The following TMEM260 variants were observed in gnomAD, a reference collection of about 807,000 sequenced individuals.
TMEM260 encodes protein O-mannosyl-transferase TMEM260.
In TMEM260, 82 loss-of-function variants were observed where a neutral mutation model predicts 88.9. That is an observed-to-expected ratio of 0.92 (90% CI 0.77 to 1.11). The LOEUF (loss-of-function observed/expected upper bound fraction) is 1.11. Among genes scored for constraint, TMEM260 ranks in the 50% least tolerant of loss-of-function variants. The pLI is 0.00. For missense variants in TMEM260, 902 were observed against 853.4 expected, an observed-to-expected ratio of 1.06 and a Z score of -0.71; for synonymous variants, 314 against 309.3, an observed-to-expected ratio of 1.02 and a Z score of -0.16.
chr14:56,586,710 A>C (rs1885528461), intron 3 of TMEM260, among the ~76,000 whole-genome samples: 1 of 152,138 alleles, frequency 6.6e-6, no homozygotes, highest in African/African-American at 2.4e-5. Flanking sequence ...TCTGTAGGTA[A>C]ATATAATTTG....
rs754899603 is a variant in TMEM260 at position 56,585,910 on chromosome 14, C to T, written c.342C>T (p.Phe114=). The T allele has an allele frequency of 1.8e-5, 29 of 1,611,876 alleles. No individual in the cohort carries two copies. Among genetic ancestry groups the T allele is most frequent in the Non-Finnish European group, 2.0e-5 (24 of 1,179,234 alleles). The part of the protein sequence containing the change: ...VAASLLFFTV[F]RLSGSSAGGI... Reference sequence around the variant, plus strand: ...CATCATTACTTTTTTTCACCGTTTTCAGGTAAAGTAGTTGATTAGTTAAAA... The same window carrying T: ...CATCATTACTTTTTTTCACCGTTTTTAGGTAAAGTAGTTGATTAGTTAAAA... The change falls in exon 3 of 16, where the codon TTC becomes TTT. Residue 114 remains phenylalanine (F), a splice_region_variant and synonymous_variant. Transcript: ENST00000261556.
At chr14:56,617,774 T>C (rs1594854699) in intron 9 of TMEM260, among the ~76,000 whole-genome samples, 1 of 152,194 alleles carries the variant, frequency 6.6e-6, no homozygotes, top group Non-Finnish European at 1.5e-5. Context: ...TAAATGTCAA[T>C]AGCACTTTTT....
chr14:56,593,226 T>TA (rs901653396), intron 3 of TMEM260: 1 of 152,244 alleles, frequency 6.6e-6, no homozygotes, highest in African/African-American at 2.4e-5. Context: ...AGTTATGGTT[T>TA]AAGCAGAGAA....
At chr14:56,623,041 A>C (rs763315986) in intron 11 of TMEM260, among the ~76,000 whole-genome samples, 2 of 152,222 alleles carry the variant, frequency 1.3e-5, no homozygotes, top group African/African-American at 2.4e-5. Flanking sequence ...AATTAGACCT[A>C]AACTCAAGTC....
chr14:56,582,787 C>G (rs146630604), intron 1 of TMEM260, among the ~76,000 whole-genome samples: 1 of 152,260 alleles, frequency 6.6e-6, no homozygotes, highest in Non-Finnish European at 1.5e-5. Flanking sequence ...CTATTCCCTT[C>G]CTCTTTATCA....
chr14:56,603,896 A>C lies in TMEM260; in HGVS notation c.426A>C (p.Ala142=), dbSNP rs1886729537. Residue 142 remains alanine, a synonymous_variant, in exon 4 of 16, where the codon GCA becomes GCC. Coordinates refer to ENST00000261556, the MANE Select transcript of TMEM260 (RefSeq NM_017799.4). ...FSRLTWQWSI[A]AEVFSLNNLF... is the part of the protein sequence containing the mutation. The stretch of plus-strand genomic sequence containing the variant: ...GTCTAACATGGCAGTGGTCCATTGC[A>C]GCAGAGGTTTTTAGCTTAAACAATC... The C allele has an allele frequency of 6.2e-7, 1 of 1,613,664 alleles. No individual in the cohort carries two copies. The highest frequency in any genetic ancestry group is 1.1e-5 in the South Asian group (1 of 91,050).
chr14:56,618,927 A>G (rs1887747240), intron 10 of TMEM260, among the ~76,000 whole-genome samples, 164 bp downstream of exon 10: 1 of 152,186 alleles, frequency 6.6e-6, no homozygotes, highest in African/African-American at 2.4e-5. Flanking sequence ...CGTTAAACCT[A>G]AAAGTTAAAG....
chr14:56,611,939 G>A (rs1173735634), intron 6 of TMEM260, among the ~76,000 whole-genome samples: 1 of 152,054 alleles, frequency 6.6e-6, no homozygotes, highest in African/African-American at 2.4e-5. Context: ...ATTTATAAGT[G>A]GGAGCTAAAC....
At chr14:56,656,927 T>A in the TMEM260 span, among the ~76,000 whole-genome samples, 2 of 152,114 alleles carry the variant, frequency 1.3e-5, no homozygotes, top group African/African-American at 4.8e-5. Context: ...CACAATTCAT[T>A]TTCACGAGAC....
At chr14:56,605,771 A>G in intron 5 of TMEM260, 88 bp downstream of exon 5, 1 of 785,528 alleles carries the variant, frequency 1.3e-6, no homozygotes, top group East Asian at 2.7e-5. Flanking sequence ...TCAGGCTTTA[A>G]TTTTTCTTGG....
At position 56,618,641 on chromosome 14, in the gene TMEM260, T is replaced by A. The variant is rs1255872363; in HGVS notation, c.1104T>A (p.Ala368=). The change falls in exon 10 of 16, where the codon GCT becomes GCA. Residue 368 remains alanine, a synonymous_variant. Coordinates refer to ENST00000261556, the MANE Select transcript of TMEM260 (RefSeq NM_017799.4). The part of the protein sequence containing the change: ...MQSNAVVAVL[A]GIGLAAVVSE... Reference sequence around the variant, plus strand: ...GCAATGCAGTAGTGGCCGTCCTCGCTGGCATTGGTTTGGCTGCAGTTGTGT... The same window carrying A: ...GCAATGCAGTAGTGGCCGTCCTCGCAGGCATTGGTTTGGCTGCAGTTGTGT... 6.2e-7 allele frequency: 1 copy of A among 1,614,116 alleles called. No individual in the cohort carries two copies. The highest frequency in any genetic ancestry group is 1.1e-5 in the South Asian group (1 of 91,088).
intron 14 of TMEM260, among the ~76,000 whole-genome samples, chr14:56,635,940 TCTTA>T (rs1453258403): frequency 3.9e-5 from 6 of 152,156 alleles, no homozygotes; most frequent in African/African-American, 7.2e-5. Context: ...AGGGACAAAT[TCTTA>T]CTTTAAGGAA....
chr14:56,627,178 C>T (rs1461284721), intron 12 of TMEM260, among the ~76,000 whole-genome samples: 1 of 152,004 alleles, frequency 6.6e-6, no homozygotes, highest in Non-Finnish European at 1.5e-5. Flanking sequence ...ATGTTTTTGA[C>T]TAACAAAGAT....
intron 12 of TMEM260, among the ~76,000 whole-genome samples, chr14:56,631,953 G>C (rs1191974216): frequency 2.0e-5 from 3 of 152,072 alleles, no homozygotes; most frequent in Non-Finnish European, 4.4e-5. Flanking sequence ...GGTGTGGTTG[G>C]GGCAGGACGG....
chr14:56,650,163 A>T (rs1890176409), downstream of TMEM260: 14 of 445,208 alleles, frequency 3.1e-5, no homozygotes, highest in South Asian at 1.8e-4. Context: ...TTCTCATGCA[A>T]GATTTGGCCA....
chr14:56,626,552 T>G (rs1325606714), intron 12 of TMEM260, among the ~76,000 whole-genome samples: 1 of 152,102 alleles, frequency 6.6e-6, no homozygotes, highest in African/African-American at 2.4e-5. Flanking sequence ...CTAGCCATAA[T>G]TTGGTGGGAT....
intron 14 of TMEM260, among the ~76,000 whole-genome samples, chr14:56,636,223 C>T (rs1018245438): frequency 3.4e-5 from 5 of 145,680 alleles, no homozygotes; most frequent in African/African-American, 1.3e-4. Flanking sequence ...GCTTCTCTTG[C>T]ATAACAATAA....
At chr14:56,590,897 G>T (rs1044214128) in intron 3 of TMEM260, among the ~76,000 whole-genome samples, 3 of 152,206 alleles carry the variant, frequency 2.0e-5, no homozygotes, top group Admixed American at 2.0e-4. Context: ...TTGCCCTGCA[G>T]CTTGTATCTC....
chr14:56,633,462 A>G (rs1888784051), intron 13 of TMEM260: 1 of 242,624 alleles, frequency 4.1e-6, no homozygotes, highest in South Asian at 7.2e-5. Flanking sequence ...TGCATCATCT[A>G]CCATCCTATA....
Sources: allele counts gnomAD v4.1 joint callset (sites outside exome capture counted in the v4.1 genomes callset), GRCh38; gene constraint gnomAD v4.1.1; transcripts MANE v1.5; gene names NCBI Gene and HGNC (gene_info 2026-07-23, HGNC 2026-07-21).